KCNIP4: variants seen among roughly 807,000 people sequenced by gnomAD.
The protein encoded by KCNIP4 is Kv channel-interacting protein 4.
KCNIP4 carries 12 observed loss-of-function variants against 34.0 expected under a neutral mutation model. The ratio of observed to expected loss-of-function variants is 0.35; its 90% CI spans 0.23 to 0.57. The LOEUF is 0.57. Ranked by LOEUF, KCNIP4 falls within the 20% of genes least tolerant of loss-of-function variation. The probability of loss-of-function intolerance (pLI) is 0.83; values close to 1 mark genes in which losing one functional copy is unlikely to be tolerated. For missense variants in KCNIP4, 238 were observed against 311.7 expected (o/e 0.76, Z 1.78); for synonymous variants, 124 against 102.2 (o/e 1.21, Z -1.29).
chr4:21,093,552 T>C (rs1747182243), intron 1 of KCNIP4, among the ~76,000 whole-genome samples: 1 of 130,898 alleles, frequency 7.6e-6, no homozygotes, highest in Non-Finnish European at 1.6e-5. Flanking sequence ...GGGAAAGAAA[T>C]ATGGAAAAAA....
At chr4:21,045,900 T>C (rs1742385025) in intron 1 of KCNIP4, among the ~76,000 whole-genome samples, 1 of 152,236 alleles carries the variant, frequency 6.6e-6, no homozygotes, top group Admixed American at 6.5e-5. Context: ...AGAAATTTGA[T>C]AAACTCAGAC....
chr4:20,894,042 G>A (rs12509639), intron 1 of KCNIP4, among the ~76,000 whole-genome samples: 1,767 of 151,882 alleles, frequency 0.012, 75 homozygotes, highest in East Asian at 0.083. Flanking sequence ...CACCACACCC[G>A]ACTAATTTTT....
intron 1 of KCNIP4, among the ~76,000 whole-genome samples, chr4:21,724,635 C>A (rs533103573): frequency 6.6e-6 from 1 of 151,262 alleles, no homozygotes; most frequent in Admixed American, 6.6e-5. Flanking sequence ...TACCGTATTT[C>A]CCTCTGTTGG....
chr4:21,757,162 AGAAAGAAGGAAG>A (rs1560691200), intron 1 of KCNIP4, among the ~76,000 whole-genome samples: 55 of 30,056 alleles, frequency 1.8e-3, no homozygotes, highest in South Asian at 3.1e-3. Context: ...AAAGAAAGAA[AGAAAGAAGGAAG>A]GAAGGAAGGA....
intron 1 of KCNIP4, among the ~76,000 whole-genome samples, chr4:21,252,350 TCTC>T (rs1204419102): frequency 6.6e-6 from 1 of 151,940 alleles, no homozygotes; most frequent in Non-Finnish European, 1.5e-5. Flanking sequence ...ATGGTCTCGA[TCTC>T]CTAACCTCGT....
intron 2 of KCNIP4, among the ~76,000 whole-genome samples, chr4:20,860,886 G>A (rs1042357202): frequency 6.6e-6 from 1 of 152,144 alleles, no homozygotes; most frequent in Non-Finnish European, 1.5e-5. Context: ...TCAGGACAAA[G>A]AAAAAGCTGC....
chr4:21,777,356 A>G (rs1253420373), intron 1 of KCNIP4, among the ~76,000 whole-genome samples: 2 of 152,230 alleles, frequency 1.3e-5, no homozygotes, highest in African/African-American at 4.8e-5. Context: ...CTTGGATAAT[A>G]TCTCAATCAG....
At chr4:21,816,315 T>C (rs549643238) in intron 1 of KCNIP4, among the ~76,000 whole-genome samples, 1 of 152,264 alleles carries the variant, frequency 6.6e-6, no homozygotes, top group East Asian at 1.9e-4. Context: ...TGAATATCTA[T>C]GGACATGTGA....
At chr4:21,200,399 T>C (rs572390052) in intron 1 of KCNIP4, among the ~76,000 whole-genome samples, 1,948 of 67,280 alleles carry the variant, frequency 0.029, 228 homozygotes, top group African/African-American at 0.19. Context: ...TATATATACA[T>C]ACATATATGT....
intron 1 of KCNIP4, among the ~76,000 whole-genome samples, chr4:21,820,358 C>CT (rs1722283671): frequency 6.8e-6 from 1 of 146,194 alleles, no homozygotes; most frequent in Non-Finnish European, 1.5e-5. Context: ...CACATACAGG[C>CT]ATGAAGTACT....
chr4:21,023,717 C>A (rs972055956), intron 1 of KCNIP4, among the ~76,000 whole-genome samples: 1 of 151,842 alleles, frequency 6.6e-6, no homozygotes, highest in Non-Finnish European at 1.5e-5. Flanking sequence ...CCTATCTCTA[C>A]AAAAAAATTA....
rs137931664 is a variant in KCNIP4 at position 21,792,341 on chromosome 4, C to T, written c.61+156230G>A. Among the ~76,000 whole-genome samples the T allele has an allele frequency of 2.4e-3, 370 of 152,216 alleles. 1 individual carries two copies. In the East Asian group the frequency reaches 0.028, roughly 11 times the overall value. On this transcript the variant is annotated intron_variant, in intron 1 of 8. Coordinates refer to ENST00000382152, the MANE Select transcript of KCNIP4 (RefSeq NM_025221.6). ...TGGTCAGTCATGAGAATTTCCACTA[C>T]ACTCTGCTTCTGTGATGTTAATTTT...
At chr4:21,348,194 ATGTGCATGCATT>A (rs1450360816) in intron 1 of KCNIP4, among the ~76,000 whole-genome samples, 3 of 152,112 alleles carry the variant, frequency 2.0e-5, no homozygotes, top group African/African-American at 7.2e-5. Flanking sequence ...CTAGGACCAT[ATGTGCATGCATT>A]TCCAGATGCT....
chr4:21,354,260 A>C (rs6838116), intron 1 of KCNIP4, among the ~76,000 whole-genome samples: 108,102 of 152,022 alleles, frequency 0.71, 39,441 homozygotes, highest in African/African-American at 0.87. Context: ...AAATAACCAG[A>C]TAACATCATA....
chr4:21,065,756 ATATATAT>A (rs1744318635), intron 1 of KCNIP4, among the ~76,000 whole-genome samples: 4 of 142,654 alleles, frequency 2.8e-5, no homozygotes, highest in East Asian at 4.1e-4. Context: ...ATATATATAT[ATATATAT>A]ATAACTCAAT....
At chr4:21,073,222 T>C (rs1378972813) in intron 1 of KCNIP4, among the ~76,000 whole-genome samples, 3 of 152,186 alleles carry the variant, frequency 2.0e-5, no homozygotes, top group Admixed American at 2.0e-4. Flanking sequence ...ATTGAATCTA[T>C]AAATTACCTT....
intron 1 of KCNIP4, among the ~76,000 whole-genome samples, chr4:21,123,014 T>G (rs891640286): frequency 6.6e-6 from 1 of 151,896 alleles, no homozygotes; most frequent in African/African-American, 2.4e-5. Flanking sequence ...ATCAAGACCA[T>G]CCTGGCTAAC....
At chr4:20,864,261 T>C (rs960666056) in intron 2 of KCNIP4, among the ~76,000 whole-genome samples, 5 of 151,576 alleles carry the variant, frequency 3.3e-5, no homozygotes, top group South Asian at 2.1e-4. Flanking sequence ...TATGCACACA[T>C]ATGTATGTAC....
intron 1 of KCNIP4, among the ~76,000 whole-genome samples, chr4:21,945,267 A>G (rs1337151065): frequency 6.6e-6 from 1 of 152,166 alleles, no homozygotes; most frequent in Non-Finnish European, 1.5e-5. Context: ...TAATTTCCAA[A>G]CCATCCACAG....
Sources: allele counts gnomAD v4.1 joint callset (sites outside exome capture counted in the v4.1 genomes callset), GRCh38; gene constraint gnomAD v4.1.1; transcripts MANE v1.5; gene names NCBI Gene and HGNC (gene_info 2026-07-23, HGNC 2026-07-21).